The following CACUL1 variants were observed in gnomAD, a reference collection of about 807,000 sequenced individuals.
CACUL1 encodes CDK2 associated cullin domain 1.
CACUL1 carries 13 observed loss-of-function variants against 45.2 expected under a neutral mutation model. The ratio of observed to expected loss-of-function variants is 0.29; its 90% CI spans 0.19 to 0.46. The LOEUF (loss-of-function observed/expected upper bound fraction) is 0.46, where lower values mean the gene tolerates loss of function less well. Among genes scored for constraint, CACUL1 ranks in the 20% least tolerant of loss-of-function variants. CACUL1 has a pLI of 1.00. For missense variants in CACUL1, 421 were observed against 471.4 expected (o/e 0.89, Z 0.99); for synonymous variants, 197 against 174.2 (o/e 1.13, Z -1.03).
intron 3 of CACUL1, among the ~76,000 whole-genome samples, chr10:118,727,943 C>T (rs989874017): frequency 6.6e-6 from 1 of 152,080 alleles, no homozygotes; most frequent in African/African-American, 2.4e-5. Flanking sequence ...AAGCATAGAT[C>T]TAGGGTTTCA....
At position 118,683,461 on chromosome 10, in the gene CACUL1, G is replaced by GGGTGGATCACTTGAGGTCAGGAGTTC. The variant is rs1445834942; in HGVS notation, c.*2641_*2666dup. 3.3e-5 allele frequency: 5 copies of GGGTGGATCACTTGAGGTCAGGAGTTC among 151,452 alleles called. No individual in the cohort carries two copies. The highest frequency in any genetic ancestry group is 7.4e-5 in the Non-Finnish European group (5 of 67,980). 9.4% of individuals were successfully genotyped at this position (151,452 alleles called of 1,614,324 possible). On this transcript the variant is annotated 3_prime_UTR_variant, in exon 9 of 9. Transcript: ENST00000369151. Reference sequence around the variant, plus strand: ...TCCCAGCACTTTGGGAGGCCGAGGTGGGTGGATCACTTGAGGTCAGGAGTT... The same window carrying GGGTGGATCACTTGAGGTCAGGAGTTC: ...TCCCAGCACTTTGGGAGGCCGAGGTGGGTGGATCACTTGAGGTCAGGAGTTCGGTGGATCACTTGAGGTCAGGAGTT...
At chr10:118,737,686 T>C (rs1176909548) in intron 1 of CACUL1, among the ~76,000 whole-genome samples, 1 of 78,688 alleles carries the variant, frequency 1.3e-5, no homozygotes, top group African/African-American at 4.2e-5. Flanking sequence ...ATCACTACTA[T>C]CTTAAAAAAA....
At chr10:118,737,816 C>T (rs902800105) in intron 1 of CACUL1, among the ~76,000 whole-genome samples, 1 of 152,100 alleles carries the variant, frequency 6.6e-6, no homozygotes, top group Admixed American at 6.6e-5. Context: ...TGACACAGTT[C>T]CTAAAATGGA....
intron 5 of CACUL1, 114 bp downstream of exon 5, chr10:118,701,192 G>T: frequency 1.8e-6 from 1 of 540,650 alleles, no homozygotes; most frequent in Non-Finnish European, 3.2e-6. Flanking sequence ...CTGCTATCTG[G>T]TTCAGAAGAT....
chr10:118,691,458 A>C, intron 6 of CACUL1, 55 bp from the exon 7 acceptor site: 1 of 1,492,158 alleles, frequency 6.7e-7, no homozygotes, highest in Non-Finnish European at 9.2e-7. Context: ...ACCAAATTAA[A>C]TGGAAAAGGG....
intron 5 of CACUL1, among the ~76,000 whole-genome samples, chr10:118,700,561 G>C (rs1359352686): frequency 6.6e-6 from 1 of 151,644 alleles, no homozygotes; most frequent in East Asian, 1.9e-4. Context: ...ACTAAAAATA[G>C]AAAAAATTAA....
At chr10:118,715,776 G>A (rs1845536491) in intron 3 of CACUL1, among the ~76,000 whole-genome samples, 2 of 152,096 alleles carry the variant, frequency 1.3e-5, no homozygotes, top group African/African-American at 4.8e-5. Context: ...CTTCACAAAA[G>A]CATTCTGGTT....
At chr10:118,705,725 T>G (rs1845426696) in intron 4 of CACUL1, among the ~76,000 whole-genome samples, 1 of 152,340 alleles carries the variant, frequency 6.6e-6, no homozygotes, top group Admixed American at 6.5e-5. Context: ...GACACTAATT[T>G]TGACAAATAT....
chr10:118,700,326 G>A (rs1845366429), intron 5 of CACUL1, among the ~76,000 whole-genome samples: 1 of 152,084 alleles, frequency 6.6e-6, no homozygotes, highest in Non-Finnish European at 1.5e-5. Context: ...GAGACATTAG[G>A]TTACAGGGAC....
At position 118,748,777 on chromosome 10, in the gene CACUL1, G is replaced by A. The variant is rs948668452; in HGVS notation, c.367+5619C>T. Among the ~76,000 whole-genome samples the A allele has an allele frequency of 5.3e-5, 8 of 152,262 alleles. No homozygotes were observed. In the East Asian group the frequency reaches 1.5e-3, roughly 29 times the overall value. On this transcript the variant is annotated intron_variant, in intron 1 of 8. Transcript: ENST00000369151. ...GATGAGGGATAGTCAACCTGTAACAGTAATAGGCTACCTTTTAAGTATTAG... is the reference window on the plus strand; with the variant it reads ...GATGAGGGATAGTCAACCTGTAACAATAATAGGCTACCTTTTAAGTATTAG...
intron 3 of CACUL1, among the ~76,000 whole-genome samples, chr10:118,710,177 C>T (rs1365419260): frequency 6.6e-6 from 1 of 151,924 alleles, no homozygotes; most frequent in Admixed American, 6.6e-5. Flanking sequence ...CCTCCTGCCT[C>T]AGCCTCCCAA....
chr10:118,696,399 T>A (rs1202944952), intron 5 of CACUL1, among the ~76,000 whole-genome samples: 4 of 152,092 alleles, frequency 2.6e-5, no homozygotes, highest in African/African-American at 9.7e-5. Context: ...TCCCAACACT[T>A]TGGGAGGCTG....
At chr10:118,704,318 T>C (rs1845413110) in intron 4 of CACUL1, among the ~76,000 whole-genome samples, 1 of 152,238 alleles carries the variant, frequency 6.6e-6, no homozygotes, top group African/African-American at 2.4e-5. Context: ...TTACTTCAGC[T>C]TATTTCTGGG....
At chr10:118,711,388 T>C (rs1455271731) in intron 3 of CACUL1, among the ~76,000 whole-genome samples, 2 of 152,216 alleles carry the variant, frequency 1.3e-5, no homozygotes, top group Non-Finnish European at 2.9e-5. Context: ...CCTAATAACA[T>C]TTTTAAAAGC....
At chr10:118,720,748 A>G (rs180870756) in intron 3 of CACUL1, among the ~76,000 whole-genome samples, 207 of 152,338 alleles carry the variant, frequency 1.4e-3, no homozygotes, top group African/African-American at 4.8e-3. Context: ...GTTAAGTCCT[A>G]TGAAGGCACA....
chr10:118,687,629 C>CA (rs1200198260), intron 7 of CACUL1, among the ~76,000 whole-genome samples: 1 of 152,186 alleles, frequency 6.6e-6, no homozygotes, highest in East Asian at 1.9e-4. Context: ...TCATGCCTCT[C>CA]ATGAAAGCCC....
At chr10:118,686,228 GA>G (rs927910612) in intron 8 of CACUL1, 60 bp from the exon 9 acceptor site, 1 of 1,368,876 alleles carries the variant, frequency 7.3e-7, no homozygotes. Flanking sequence ...ATAACAGCAG[GA>G]ATCTGTTTAT....
rs555475477 is a variant in CACUL1, at chr10:118,685,237, CCTAAA to C, written c.*886_*890del. ...CTTCCGTGCTAAAGTACCGCCCATC[CCTAAA>C]CTAGAGTACTGCCAATACTATAGCA... On this transcript the variant is annotated 3_prime_UTR_variant, in exon 9 of 9. Coordinates refer to ENST00000369151, the MANE Select transcript of CACUL1 (RefSeq NM_153810.5). 2.4e-5 allele frequency: 3 copies of C among 126,514 alleles called. No individual in the cohort carries two copies. The highest frequency in any genetic ancestry group is 3.6e-5 in the Non-Finnish European group (2 of 55,734). The allele number at this position is 126,514 out of a possible 1,614,324, so 7.8% of individuals were successfully genotyped here.
chr10:118,692,573 A>C (rs1416816087), intron 6 of CACUL1: 2 of 152,228 alleles, frequency 1.3e-5, no homozygotes, highest in African/African-American at 4.8e-5. Flanking sequence ...TGGGGAAACC[A>C]GTATTTCCCT....
Sources: allele counts gnomAD v4.1 joint callset (sites outside exome capture counted in the v4.1 genomes callset), GRCh38; gene constraint gnomAD v4.1.1; transcripts MANE v1.5; gene names NCBI Gene and HGNC (gene_info 2026-07-23, HGNC 2026-07-21).